Variants in PTPRK observed in about 807,000 individuals in gnomAD.
PTPRK encodes the protein protein tyrosine phosphatase receptor type K.
A neutral mutation model predicts 178.0 loss-of-function variants in PTPRK; 75 were observed. The ratio of observed to expected loss-of-function variants is 0.42; its 90% confidence interval spans 0.35 to 0.51. The LOEUF is 0.51. Ranked by LOEUF, PTPRK falls within the 20% of genes least tolerant of loss-of-function variation. The probability of loss-of-function intolerance (pLI) is 0.02; values close to 1 mark genes in which losing one functional copy is unlikely to be tolerated. For missense variants in PTPRK, 1,441 were observed against 1,797.8 expected (o/e 0.80, Z 3.59); for synonymous variants, 637 against 620.6 (o/e 1.03, Z -0.39).
chr6:128,255,193 G>A (rs914786620), intron 3 of PTPRK, among the ~76,000 whole-genome samples: 2 of 152,084 alleles, frequency 1.3e-5, no homozygotes, highest in Non-Finnish European at 2.9e-5. Flanking sequence ...GTTTCACCAT[G>A]TTGGCCAGGA....
At chr6:128,466,959 C>A (rs572735330) in intron 1 of PTPRK, among the ~76,000 whole-genome samples, 2 of 152,030 alleles carry the variant, frequency 1.3e-5, no homozygotes, top group East Asian at 1.9e-4. Context: ...ATTTTGGACA[C>A]GAGGATTAAA....
intron 1 of PTPRK, among the ~76,000 whole-genome samples, chr6:128,511,787 T>C (rs1857226368): frequency 6.6e-6 from 1 of 152,186 alleles, no homozygotes; most frequent in Non-Finnish European, 1.5e-5. Flanking sequence ...TACCAGTGAC[T>C]CATATAGCCA....
intron 25 of PTPRK, among the ~76,000 whole-genome samples, chr6:127,979,120 A>T (rs1180806221): frequency 2.6e-5 from 4 of 152,094 alleles, no homozygotes; most frequent in African/African-American, 7.2e-5. Flanking sequence ...AAAATAATAA[A>T]AAAAAAATTA....
intron 13 of PTPRK, among the ~76,000 whole-genome samples, chr6:128,013,402 A>G (rs776757797): frequency 6.6e-6 from 1 of 151,420 alleles, no homozygotes; most frequent in Non-Finnish European, 1.5e-5. Flanking sequence ...TGCAACCCGA[A>G]TTCCTGACCC....
intron 27 of PTPRK, among the ~76,000 whole-genome samples, chr6:127,975,897 C>T (rs1355619338): frequency 6.6e-6 from 1 of 152,086 alleles, no homozygotes; most frequent in African/African-American, 2.4e-5. Flanking sequence ...GTCTTGAACT[C>T]CTGACCTTAT....
chr6:128,489,916 T>C (rs1050638818), intron 1 of PTPRK, among the ~76,000 whole-genome samples: 7 of 152,252 alleles, frequency 4.6e-5, no homozygotes. Context: ...TCGATGGTCA[T>C]TGTATTGCAT....
chr6:128,322,438 C>G (rs1828934107), intron 2 of PTPRK, 128 bp from the exon 3 acceptor site: 2 of 854,976 alleles, frequency 2.3e-6, no homozygotes, highest in South Asian at 3.3e-5. Flanking sequence ...CAGAACACAG[C>G]CACAGAAATA....
chr6:128,117,702 G>A (rs2114377022), intron 7 of PTPRK, among the ~76,000 whole-genome samples: 1 of 152,126 alleles, frequency 6.6e-6, no homozygotes, highest in South Asian at 2.1e-4. Flanking sequence ...GCCCAGGCTG[G>A]AGTACAGTGG....
chr6:128,200,613 C>T (rs1447170955), intron 6 of PTPRK, among the ~76,000 whole-genome samples: 18 of 151,422 alleles, frequency 1.2e-4, no homozygotes, highest in Admixed American at 9.9e-4. Flanking sequence ...GCTCAGCTAT[C>T]GTCTTAGCTA....
At chr6:127,982,692 T>A in intron 24 of PTPRK, 139 bp downstream of exon 24, 1 of 632,504 alleles carries the variant, frequency 1.6e-6, no homozygotes, top group Non-Finnish European at 2.6e-6. Context: ...ATAATATGTA[T>A]AATGAAAGAG....
chr6:128,443,185 T>C (rs1472774749), intron 1 of PTPRK, among the ~76,000 whole-genome samples: 1 of 152,176 alleles, frequency 6.6e-6, no homozygotes, highest in Non-Finnish European at 1.5e-5. Context: ...GAATTTCACA[T>C]GGTTATCAGT....
At chr6:128,096,082 A>C (rs1404540455) in intron 7 of PTPRK, among the ~76,000 whole-genome samples, 2 of 152,208 alleles carry the variant, frequency 1.3e-5, no homozygotes, top group Non-Finnish European at 2.9e-5. Flanking sequence ...ATATAAAGAA[A>C]TGTCAGAAAA....
chr6:128,217,788 A>C (rs1306817052), intron 6 of PTPRK, among the ~76,000 whole-genome samples: 1 of 152,016 alleles, frequency 6.6e-6, no homozygotes, highest in Non-Finnish European at 1.5e-5. Flanking sequence ...CTCAACCTTC[A>C]GATCCTTACT....
At chr6:128,006,151 A>G in intron 14 of PTPRK, 4 of 790,606 alleles carry the variant, frequency 5.1e-6, no homozygotes, top group Non-Finnish European at 7.6e-6. Context: ...ATGTGCGTTA[A>G]AAAATAAAAT....
chr6:128,277,177 A>G (rs1277127015), intron 3 of PTPRK, among the ~76,000 whole-genome samples: 1 of 152,194 alleles, frequency 6.6e-6, no homozygotes, highest in Non-Finnish European at 1.5e-5. Flanking sequence ...TCATATAGAA[A>G]GTAATTCAAT....
intron 6 of PTPRK, among the ~76,000 whole-genome samples, chr6:128,216,375 A>T (rs1809294743): frequency 1.3e-5 from 2 of 151,992 alleles, no homozygotes; most frequent in African/African-American, 4.8e-5. Flanking sequence ...TCTCTATTAA[A>T]AATACAAAAA....
chr6:128,503,725 G>A (rs1296594875), intron 1 of PTPRK, among the ~76,000 whole-genome samples: 1 of 152,154 alleles, frequency 6.6e-6, no homozygotes, highest in Admixed American at 6.5e-5. Context: ...CCAAGCTAGA[G>A]TGCAGTGCCC....
intron 11 of PTPRK, among the ~76,000 whole-genome samples, chr6:128,074,753 T>C (rs1365214459): frequency 6.6e-6 from 1 of 152,038 alleles, no homozygotes; most frequent in African/African-American, 2.4e-5. Flanking sequence ...AGGGAAGCAG[T>C]AATGGGTAAC....
At chr6:128,095,240 A>G (rs73584685) in intron 7 of PTPRK, among the ~76,000 whole-genome samples, 2,703 of 152,282 alleles carry the variant, frequency 0.018, 71 homozygotes, top group African/African-American at 0.062. Context: ...TCACTTCACT[A>G]TTCCCTGTTG....
Sources: allele counts gnomAD v4.1 joint callset (sites outside exome capture counted in the v4.1 genomes callset), GRCh38; gene constraint gnomAD v4.1.1; transcripts MANE v1.5; gene names NCBI Gene and HGNC (gene_info 2026-07-23, HGNC 2026-07-21).